Variants in FMO5 observed in about 807,000 individuals in gnomAD.
FMO5 encodes the protein flavin containing dimethylaniline monoxygenase 5.
A neutral mutation model predicts 43.6 loss-of-function variants in FMO5; 51 were observed. The observed-to-expected ratio is 1.17, with a 90% CI of 0.93 to 1.48. The LOEUF (loss-of-function observed/expected upper bound fraction) is 1.48, where lower values mean the gene tolerates loss of function less well. Ranked by LOEUF, FMO5 falls within the 40% of genes most tolerant of loss-of-function variation. The pLI is 0.00. For missense variants in FMO5, 644 were observed against 643.0 expected (o/e 1.00, Z -0.02); for synonymous variants, 187 against 216.5 (o/e 0.86, Z 1.20).
chr1:147,217,594 G>A (rs1045217938), intron 2 of FMO5, among the ~76,000 whole-genome samples: 21 of 152,056 alleles, frequency 1.4e-4, no homozygotes, highest in African/African-American at 4.8e-4. Flanking sequence ...TTCAATCTAG[G>A]AATCCTAAAT....
chr1:147,219,840 CTTTTTT>C (rs71083821), intron 2 of FMO5, among the ~76,000 whole-genome samples: 1 of 132,898 alleles, frequency 7.5e-6, no homozygotes, highest in Non-Finnish European at 1.6e-5. Context: ...ATGTTAATTG[CTTTTTT>C]TTTTTTTTTT....
At chr1:147,207,710 G>A (rs922894748) in intron 6 of FMO5, among the ~76,000 whole-genome samples, 4 of 152,138 alleles carry the variant, frequency 2.6e-5, no homozygotes, top group Non-Finnish European at 5.9e-5. Context: ...ATTGACTTCT[G>A]ATCAACCCTG....
rs1553924252 is a variant in FMO5, at chr1:147,213,457, CT to C, written c.337del (p.Ser113ValfsTer2). 1.2e-5 allele frequency: 20 copies of C among 1,607,994 alleles called. No homozygotes were observed. The highest frequency in any genetic ancestry group is 1.7e-5 in the Admixed American group (1 of 59,596). ...KYIRFKTTVC[S>X]VKKQPDFATS... Reference sequence around the variant, plus strand: ...GGCAAAATCAGGCTGCTTCTTCACACTGCACACAGTGGTCTGAAAAGAAAAG... The same window carrying C: ...GGCAAAATCAGGCTGCTTCTTCACACGCACACAGTGGTCTGAAAAGAAAAG... On this transcript the variant is annotated frameshift_variant, in exon 4 of 9. Coordinates refer to ENST00000254090, the MANE Select transcript of FMO5 (RefSeq NM_001461.4). LOFTEE classifies it high-confidence loss of function.
At chr1:147,220,959 A>AC (rs1191886202) in intron 2 of FMO5, among the ~76,000 whole-genome samples, 1 of 151,742 alleles carries the variant, frequency 6.6e-6, no homozygotes, top group East Asian at 1.9e-4. Context: ...AAAAAAAAAA[A>AC]CAGTGGGTAT....
intron 2 of FMO5, among the ~76,000 whole-genome samples, chr1:147,218,392 T>C (rs914042170): frequency 2.7e-5 from 4 of 148,786 alleles, no homozygotes; most frequent in East Asian, 2.0e-4. Context: ...CGCGCCACTA[T>C]GCCTGGCTAA....
In FMO5 at chr1:147,212,406, TG is replaced by T; in HGVS notation, c.616del (p.Gln206LysfsTer17). On this transcript the variant is annotated frameshift_variant, in exon 5 of 9. Coordinates refer to ENST00000254090, the MANE Select transcript of FMO5 (RefSeq NM_001461.4). LOFTEE classifies it high-confidence loss of function. ...AGTGATTCAAACCTGCTTGGCTGTT[TG>T]GCTAATCTCTACAGCCAGATCCCCT... is the stretch of plus-strand genomic sequence containing the variant. Reference protein sequence around the residue: ...SGGDLAVEISQTAKQVFLSTR... With the variant: ...SGGDLAVEISXTAKQVFLSTR... 6.2e-7 allele frequency: 1 copy of T among 1,614,058 alleles called. No homozygotes were observed. Among genetic ancestry groups the T allele is most frequent in the Non-Finnish European group, 8.5e-7 (1 of 1,179,970 alleles).
intron 3 of FMO5, among the ~76,000 whole-genome samples, chr1:147,214,095 A>G (rs1553924453): frequency 1.3e-5 from 2 of 152,200 alleles, no homozygotes; most frequent in Non-Finnish European, 2.9e-5. Context: ...TACCCTACTT[A>G]GGTTAAGGAA....
intron 3 of FMO5, among the ~76,000 whole-genome samples, chr1:147,214,342 T>C (rs1259876464): frequency 2.6e-5 from 4 of 151,638 alleles, no homozygotes; most frequent in African/African-American, 9.7e-5. Context: ...TCCCAGCTAC[T>C]CGGGAGGCTG....
chr1:147,204,536 C>G (rs1406281810), intron 6 of FMO5: 2 of 1,577,490 alleles, frequency 1.3e-6, no homozygotes, highest in African/African-American at 2.7e-5. Flanking sequence ...CAAGCTATTT[C>G]ATAACCTTCT....
chr1:147,199,634 C>T (rs1422615357), intron 7 of FMO5, among the ~76,000 whole-genome samples: 6 of 152,164 alleles, frequency 3.9e-5, no homozygotes, highest in African/African-American at 1.4e-4. Flanking sequence ...TTTTAATGAA[C>T]TGTTCTCCGC....
At position 147,212,449 on chromosome 1, in the gene FMO5, C is replaced by G; in HGVS notation, c.574G>C (p.Gly192Arg). 6.2e-7 allele frequency: 1 copy of G among 1,614,010 alleles called. No homozygotes were observed. Among genetic ancestry groups the G allele is most frequent in the Non-Finnish European group, 8.5e-7 (1 of 1,179,882 alleles). ...AGATCCCCTCCAGAATTCCCAATGC[C>G]AATTATAATGACTCTCTTTCCAGTG... ...GFTGKRVIII[G>R]IGNSGGDLAV... The change falls in exon 5 of 9, where the codon GGC becomes CGC. Residue 192 changes from glycine (G) to arginine (R), a missense_variant. Transcript: ENST00000254090.
chr1:147,185,350 TAAAAG>T (rs1289155961), downstream of FMO5, among the ~76,000 whole-genome samples: 1 of 152,158 alleles, frequency 6.6e-6, no homozygotes, highest in East Asian at 1.9e-4. Flanking sequence ...ATTTATATGT[TAAAAG>T]AAATTAAAAG....
chr1:147,197,755 T>C (rs1303504251), intron 7 of FMO5, among the ~76,000 whole-genome samples: 2 of 152,180 alleles, frequency 1.3e-5, no homozygotes, highest in Non-Finnish European at 2.9e-5. Context: ...CAGGCAGTTC[T>C]TTATAGCAGC....
chr1:147,184,431 T>G (rs1014186460), downstream of FMO5: 110 of 1,389,618 alleles, frequency 7.9e-5, no homozygotes, highest in Non-Finnish European at 9.6e-5. The surrounding 1 kb of genome is among the most constrained non-coding windows in gnomAD (Gnocchi z 4.4). Flanking sequence ...CCCTTAATTT[T>G]TACTTAAAGT....
At chr1:147,203,200 TAAGAA>T in intron 6 of FMO5, 1 of 773,002 alleles carries the variant, frequency 1.3e-6, no homozygotes, top group Non-Finnish European at 2.1e-6. Flanking sequence ...GTAAGGAGAA[TAAGAA>T]AACATCACGC....
chr1:147,199,348 T>TA (rs1481770731), intron 7 of FMO5, among the ~76,000 whole-genome samples: 1 of 152,126 alleles, frequency 6.6e-6, no homozygotes, highest in Non-Finnish European at 1.5e-5. Flanking sequence ...ATGGACAGAA[T>TA]AAAAAACCCA....
intron 6 of FMO5, 152 bp downstream of exon 6, chr1:147,208,700 G>A (rs2354433): frequency 0.078 from 46,240 of 594,404 alleles, 2,249 homozygotes; most frequent in African/African-American, 0.15. Context: ...CCGCCTCCCA[G>A]AGTGCTGGGA....
chr1:147,191,845 G>T (rs1553918575), intron 7 of FMO5, among the ~76,000 whole-genome samples: 1 of 151,946 alleles, frequency 6.6e-6, no homozygotes, highest in African/African-American at 2.4e-5. Context: ...ATTTCTGAGG[G>T]CTCTGTCCTG....
At chr1:147,212,309 T>G in intron 5 of FMO5, 84 bp downstream of exon 5, 3 of 1,400,096 alleles carry the variant, frequency 2.1e-6, no homozygotes, top group Non-Finnish European at 3.0e-6. Flanking sequence ...GGTATCCCTA[T>G]TCTCTGTTGG....
Sources: gnomAD v4.1 joint callset for allele counts (sites outside exome capture counted in the v4.1 genomes callset) on GRCh38, gnomAD v4.1.1 for gene constraint, Gnocchi (gnomAD v3.1) non-coding constraint, MANE v1.5 for transcripts, NCBI Gene and HGNC (gene_info 2026-07-23, HGNC 2026-07-21) for gene names.